The following SEC14L5 variants were observed in gnomAD, a reference collection of about 807,000 sequenced individuals.
The protein encoded by SEC14L5 is SEC14-like protein 5.
A neutral mutation model predicts 84.6 loss-of-function variants in SEC14L5; 96 were observed. The observed-to-expected ratio is 1.13, with a 90% CI of 0.96 to 1.34. The LOEUF (loss-of-function observed/expected upper bound fraction) is 1.34. Ranked by LOEUF, SEC14L5 falls within the 40% of genes most tolerant of loss-of-function variation. The pLI is 0.00. For synonymous variants in SEC14L5, 546 were observed against 383.4 expected, an observed-to-expected ratio of 1.42 and a Z score of -4.95; for missense variants, 1,224 against 942.5, an observed-to-expected ratio of 1.30 and a Z score of -3.91.
At chr16:4,973,589 A>T (rs1180636477) in intron 2 of SEC14L5, among the ~76,000 whole-genome samples, 1 of 152,136 alleles carries the variant, frequency 6.6e-6, no homozygotes, top group African/African-American at 2.4e-5. Flanking sequence ...CTGATGCACG[A>T]TGCAACACAG....
chr16:5,015,292 T>C lies in SEC14L5; in HGVS notation c.*322T>C. The C allele has an allele frequency of 3.3e-6, 1 of 305,392 alleles. No individual in the cohort carries two copies. The highest frequency in any genetic ancestry group is 6.1e-6 in the Non-Finnish European group (1 of 163,668). 18.9% of individuals were successfully genotyped at this position (305,392 alleles called of 1,614,324 possible). A position where few individuals can be genotyped will look rare whatever the true frequency, so the allele number is the denominator to read the frequency against. On this transcript the variant is annotated 3_prime_UTR_variant, in exon 16 of 16. Coordinates refer to ENST00000251170, the MANE Select transcript of SEC14L5 (RefSeq NM_014692.2). Reference sequence around the variant, plus strand: ...GTCAGCCAGGCCCATCTCCTCTCTGTCCACCTCTTGCTCTGCTTTCGCCAT... The same window carrying C: ...GTCAGCCAGGCCCATCTCCTCTCTGCCCACCTCTTGCTCTGCTTTCGCCAT...
chr16:4,995,622 CTCTTT>C (rs1955600392), intron 6 of SEC14L5, among the ~76,000 whole-genome samples: 1 of 141,728 alleles, frequency 7.1e-6, no homozygotes. Flanking sequence ...CTCTCTCTCT[CTCTTT>C]TTTTTTTTTT....
intron 6 of SEC14L5, among the ~76,000 whole-genome samples, chr16:4,994,682 AT>A (rs57838129): frequency 4.9e-3 from 711 of 143,824 alleles, no homozygotes; most frequent in African/African-American, 5.6e-3. Context: ...GTATGTGCAC[AT>A]TTTTTTTTTT....
chr16:4,959,239 G>T, intron 1 of SEC14L5, 34 bp from the exon 2 acceptor site: 1 of 1,047,378 alleles, frequency 9.5e-7, no homozygotes, highest in Non-Finnish European at 1.5e-6. Context: ...CCCGAGGTGG[G>T]AGCTGCAACC....
chr16:4,965,343 G>C (rs1380244107), intron 2 of SEC14L5, among the ~76,000 whole-genome samples: 8 of 152,122 alleles, frequency 5.3e-5, no homozygotes, highest in Non-Finnish European at 1.0e-4. Flanking sequence ...ACAAGTTTTT[G>C]TATGAACATA....
chr16:4,992,194 C>G (rs554021903), intron 6 of SEC14L5, among the ~76,000 whole-genome samples, 164 bp downstream of exon 6: 3 of 152,350 alleles, frequency 2.0e-5, no homozygotes, highest in Admixed American at 6.5e-5. Context: ...GAGTGCTTTT[C>G]TCTCTCTCCA....
intron 6 of SEC14L5, among the ~76,000 whole-genome samples, chr16:4,994,426 C>T (rs1339687208): frequency 2.6e-5 from 4 of 152,080 alleles, no homozygotes. Flanking sequence ...TCACTGCAAC[C>T]TCCGCCTCCT....
chr16:4,994,942 A>G (rs1955593534), intron 6 of SEC14L5, among the ~76,000 whole-genome samples: 1 of 152,008 alleles, frequency 6.6e-6, no homozygotes, highest in Non-Finnish European at 1.5e-5. Flanking sequence ...GGATGCTGGG[A>G]GCTCCGGCCT....
intron 2 of SEC14L5, among the ~76,000 whole-genome samples, chr16:4,971,567 G>T (rs1441254014): frequency 6.6e-6 from 1 of 152,196 alleles, no homozygotes; most frequent in Non-Finnish European, 1.5e-5. Flanking sequence ...GATAAACCCT[G>T]TTCTGACAAC....
intron 10 of SEC14L5, 38 bp from the exon 11 acceptor site, chr16:5,003,364 A>G: frequency 6.3e-7 from 1 of 1,577,550 alleles, no homozygotes; most frequent in Non-Finnish European, 8.7e-7. Flanking sequence ...CTTGGGAGGC[A>G]GCAGAGCCAG....
Position 4,991,862 on chromosome 16 carries a change from C to G in SEC14L5, c.499C>G (p.Leu167Val). Residue 167 changes from leucine to valine, a missense_variant, in exon 6 of 16, where the codon CTG becomes GTG. Leu to Val is a conservative substitution (Grantham distance 32, BLOSUM62 1). Coordinates refer to ENST00000251170, the MANE Select transcript of SEC14L5 (RefSeq NM_014692.2). ...GGGGAAGGAGGTGATTGAGCATTAC[C>G]TGAATGAGCTCATCTCCCAGGGTAC... is the stretch of plus-strand genomic sequence containing the variant. ...KRGKEVIEHY[L>V]NELISQGTSH... The G allele has an allele frequency of 6.2e-7, 1 of 1,609,030 alleles. No individual in the cohort carries two copies. The highest frequency in any genetic ancestry group is 1.1e-5 in the South Asian group (1 of 90,178).
intron 5 of SEC14L5, among the ~76,000 whole-genome samples, chr16:4,991,401 AT>A (rs1300670488): frequency 2.0e-5 from 3 of 152,006 alleles, no homozygotes; most frequent in African/African-American, 7.3e-5. Context: ...CTCTAAAAAA[AT>A]AAAATAAAAT....
Position 4,986,449 on chromosome 16 carries a change from G to A in SEC14L5, c.64-1108G>A, listed in dbSNP as rs368909932. Among the ~76,000 whole-genome samples the A allele has an allele frequency of 1.9e-3, 290 of 152,244 alleles. 1 individual carries two copies. The highest frequency in any genetic ancestry group is 0.017 in the Middle Eastern group (5 of 294). On this transcript the variant is annotated intron_variant, in intron 2 of 15. Transcript: ENST00000251170. ...GCCACCACACCTGGCCTGCTACCAC[G>A]TCTTTTAAAGTAAATCAGGAAATAT...
chr16:4,969,350 C>G (rs1955246164), intron 2 of SEC14L5, among the ~76,000 whole-genome samples: 1 of 151,650 alleles, frequency 6.6e-6, no homozygotes, highest in African/African-American at 2.4e-5. Flanking sequence ...CTTTTTTTCT[C>G]CAATGTCAGA....
At position 5,011,086 on chromosome 16, in the gene SEC14L5, G is replaced by A; in HGVS notation, c.1801-9G>A. ...CGCAGGGCCTCAGGGCAGGGCTGAT[G>A]TGTTTCAGGGCTCCCATGTGACCCG... is the stretch of plus-strand genomic sequence containing the variant. On this transcript the variant is annotated splice_polypyrimidine_tract_variant and intron_variant, in intron 14 of 15. Transcript: ENST00000251170. The A allele has an allele frequency of 6.3e-7, 1 of 1,590,916 alleles. No homozygotes were observed. The highest frequency in any genetic ancestry group is 8.6e-7 in the Non-Finnish European group (1 of 1,169,052).
At position 4,990,744 on chromosome 16, in the gene SEC14L5, C is replaced by T. The variant is rs759059775; in HGVS notation, c.346-23C>T. ...GGTGCCCCCGACATTGAGTCCCTGG[C>T]ATGACCCCTGCCTGGCTTTCAGGTC... is the stretch of plus-strand genomic sequence containing the variant. On this transcript the variant is annotated intron_variant, in intron 4 of 15. Transcript: ENST00000251170. 13 of 1,594,304 alleles carry T rather than the reference C, an allele frequency of 8.2e-6. No individual in the cohort carries two copies. In the South Asian group the frequency reaches 1.4e-4, roughly 17 times the overall value.
Position 5,011,150 on chromosome 16 carries a change from GC to G in SEC14L5, c.1863del (p.Ser622AlafsTer14), listed in dbSNP as rs764657044. On this transcript the variant is annotated frameshift_variant, in exon 15 of 16. Coordinates refer to ENST00000251170, the MANE Select transcript of SEC14L5 (RefSeq NM_014692.2). LOFTEE classifies it high-confidence loss of function. ...GVYLLQWQMH[S>X]PPSSVACSLP... The stretch of plus-strand genomic sequence containing the variant: ...TACCTGCTCCAGTGGCAAATGCACA[GC>G]CCCCCCAGCAGCGTGGCCTGCAGCC... 1.1e-5 allele frequency: 18 copies of G among 1,612,222 alleles called. No individual in the cohort carries two copies. The highest frequency in any genetic ancestry group is 6.7e-5 in the East Asian group (3 of 44,802).
In SEC14L5 at chr16:4,996,895, A is replaced by G. The variant is rs367554709; in HGVS notation, c.821A>G (p.His274Arg). 3.1e-6 allele frequency: 5 copies of G among 1,613,642 alleles called. No homozygotes were observed. The South Asian group carries it at 4.4e-5, about 14-fold the overall frequency. ...CACATCCTTCGGTTCCTGCGGGCTC[A>G]TGACTTCCACCTGGACAAGGCCCGG... ...DEHILRFLRA[H>R]DFHLDKAREM... is the part of the protein sequence containing the mutation. Residue 274 changes from histidine (H) to arginine (R), a missense_variant, in exon 8 of 16, where the codon CAT becomes CGT. By Grantham distance (29) the His-to-Arg change is conservative (BLOSUM62 0). Transcript: ENST00000251170.
At chr16:4,964,189 G>T (rs1955164777) in intron 2 of SEC14L5, among the ~76,000 whole-genome samples, 1 of 152,134 alleles carries the variant, frequency 6.6e-6, no homozygotes, top group Non-Finnish European at 1.5e-5. Context: ...TTGCATAGAG[G>T]ACACAAAGGC....
Sources: gnomAD v4.1 joint callset for allele counts (sites outside exome capture counted in the v4.1 genomes callset) on GRCh38, gnomAD v4.1.1 for gene constraint, MANE v1.5 for transcripts, NCBI Gene and HGNC (gene_info 2026-07-23, HGNC 2026-07-21) for gene names.